SERPINA12: variants seen among roughly 807,000 people sequenced by gnomAD.
SERPINA12 encodes the protein serpin A12.
Under a neutral mutation model 25.9 loss-of-function variants are expected in SERPINA12, and 21 were observed. The ratio of observed to expected loss-of-function variants is 0.81; its 90% CI spans 0.58 to 1.17. SERPINA12 has a LOEUF of 1.17. Ranked by LOEUF, SERPINA12 falls within the 50% of genes most tolerant of loss-of-function variation. SERPINA12 has a pLI of 0.00. For missense variants in SERPINA12, 562 were observed against 508.3 expected (o/e 1.11, Z -1.02); for synonymous variants, 220 against 196.0 (o/e 1.12, Z -1.02).
upstream of SERPINA12, among the ~76,000 whole-genome samples, chr14:94,512,004 A>T (rs974081093): frequency 6.6e-6 from 1 of 152,182 alleles, no homozygotes; most frequent in Non-Finnish European, 1.5e-5. Flanking sequence ...AGGCTGAGGC[A>T]TGAGAATTGC....
At chr14:94,514,546 T>C (rs1160792289) in intron 2 of SERPINA12, among the ~76,000 whole-genome samples, 1 of 152,008 alleles carries the variant, frequency 6.6e-6, no homozygotes, top group Non-Finnish European at 1.5e-5. Context: ...GGTGGGGACC[T>C]GGGTGGGCCC....
At chr14:94,504,518 T>C (rs979986224) in intron 1 of SERPINA12, among the ~76,000 whole-genome samples, 2 of 152,272 alleles carry the variant, frequency 1.3e-5, no homozygotes, top group African/African-American at 4.8e-5. Flanking sequence ...GGTTGATAAC[T>C]GGGCTTCTTG....
At chr14:94,511,763 G>A (rs994474157), upstream of SERPINA12, 18 of 963,974 alleles carry the variant, frequency 1.9e-5, no homozygotes, top group Non-Finnish European at 2.2e-5. Flanking sequence ...CAAGCCAGGT[G>A]TGGGGGAGAG....
intron 2 of SERPINA12, 141 bp from the exon 3 acceptor site, chr14:94,496,784 G>A (rs1357685091): frequency 4.3e-6 from 3 of 695,626 alleles, no homozygotes; most frequent in Non-Finnish European, 7.2e-6. Context: ...TTGCCCTCAT[G>A]CCATGTCCTG....
chr14:94,516,431 C>T (rs1265585404), intron 1 of SERPINA12, among the ~76,000 whole-genome samples: 1 of 152,154 alleles, frequency 6.6e-6, no homozygotes, highest in Non-Finnish European at 1.5e-5. Flanking sequence ...CCTCACCTGA[C>T]CTGAGACCTG....
chr14:94,505,137 C>T (rs574860256), intron 1 of SERPINA12, among the ~76,000 whole-genome samples: 4 of 152,340 alleles, frequency 2.6e-5, no homozygotes, highest in South Asian at 4.1e-4. Flanking sequence ...CGAAACACCT[C>T]GGAGGCCTCG....
chr14:94,498,529 T>C, intron 1 of SERPINA12, 99 bp from the exon 2 acceptor site: 2 of 973,298 alleles, frequency 2.1e-6, no homozygotes. Flanking sequence ...TATTATGTGT[T>C]GTACATAGCA....
At position 94,496,508 on chromosome 14, in the gene SERPINA12, C is replaced by T; in HGVS notation, c.770G>A (p.Cys257Tyr). The stretch of plus-strand genomic sequence containing the variant: ...CTGGTAGGGTATTTCCAGGATGGTG[C>T]AAGAGAGCTTATCGTCATAGCCAAC... ...YQVGYDDKLSCTILEIPYQKN... is the reference protein window; with the variant it reads ...YQVGYDDKLSYTILEIPYQKN... Residue 257 changes from cysteine to tyrosine, a missense_variant, in exon 3 of 5, where the codon TGC becomes TAC. Coordinates refer to ENST00000677451, the MANE Select transcript of SERPINA12 (RefSeq NM_001382267.1). 1 of 1,613,778 alleles carries T rather than the reference C, an allele frequency of 6.2e-7. No homozygotes were observed. The highest frequency in any genetic ancestry group is 1.7e-5 in the Admixed American group (1 of 60,002).
rs1900948074 is a variant in SERPINA12 at position 94,506,913 on chromosome 14, G to T, written c.-34+2429C>A. The stretch of plus-strand genomic sequence containing the variant: ...CATTCAGCCACCAGGTATCAAGATG[G>T]CTGTAAAGCCACAGTATTAAGGTAT... On this transcript the variant is annotated intron_variant, in intron 1 of 4. Coordinates refer to ENST00000677451, the MANE Select transcript of SERPINA12 (RefSeq NM_001382267.1). 2.6e-5 allele frequency among the ~76,000 whole-genome samples: 4 copies of T among 152,192 alleles called. No individual in the cohort carries two copies. The South Asian group carries it at 8.3e-4, about 32-fold the overall frequency.
Position 94,487,498 on chromosome 14 carries a change from C to G in SERPINA12, c.1054-4G>C, listed in dbSNP as rs1395360104. ...TCAGCTCAGCCTTGTGCACAGCCTACGGAAGCCAAGGGCAAAGTCAAGGTC... is the reference window on the plus strand; with the variant it reads ...TCAGCTCAGCCTTGTGCACAGCCTAGGGAAGCCAAGGGCAAAGTCAAGGTC... On this transcript the variant is annotated splice_region_variant and splice_polypyrimidine_tract_variant and intron_variant, in intron 4 of 4. Coordinates refer to ENST00000677451, the MANE Select transcript of SERPINA12 (RefSeq NM_001382267.1). 1.3e-6 allele frequency: 2 copies of G among 1,598,680 alleles called. No homozygotes were observed. Among genetic ancestry groups the G allele is most frequent in the Admixed American group, 1.7e-5 (1 of 57,492 alleles).
At chr14:94,501,031 A>G (rs1243408719) in intron 1 of SERPINA12, 1 of 985,332 alleles carries the variant, frequency 1.0e-6, no homozygotes, top group African/African-American at 1.7e-5. Flanking sequence ...ACTTCTTGGT[A>G]AAACTTAATA....
chr14:94,488,629 A>G (rs1900005700), intron 4 of SERPINA12, among the ~76,000 whole-genome samples: 1 of 152,192 alleles, frequency 6.6e-6, no homozygotes, highest in Non-Finnish European at 1.5e-5. Context: ...TCATTTATCT[A>G]AAATTCAAAT....
intron 3 of SERPINA12, among the ~76,000 whole-genome samples, chr14:94,494,232 G>A (rs1283288941): frequency 6.6e-6 from 1 of 152,188 alleles, no homozygotes; most frequent in Non-Finnish European, 1.5e-5. Flanking sequence ...TCCCTAGGGA[G>A]ATCTCTCAAG....
At chr14:94,507,541 G>C (rs73338689) in intron 1 of SERPINA12, among the ~76,000 whole-genome samples, 30,807 of 152,118 alleles carry the variant, frequency 0.2, 3,748 homozygotes, top group African/African-American at 0.34. Flanking sequence ...GCAAAGACAT[G>C]AACAAATACT....
intron 3 of SERPINA12, 117 bp downstream of exon 3, chr14:94,496,256 A>G (rs892097241): frequency 2.2e-5 from 21 of 960,532 alleles, no homozygotes; most frequent in Admixed American, 4.4e-5. Context: ...TCACCATGAT[A>G]TAAGTTTATT....
chr14:94,496,325 G>C, intron 3 of SERPINA12, 48 bp downstream of exon 3: 1 of 1,602,148 alleles, frequency 6.2e-7, no homozygotes, highest in Non-Finnish European at 8.5e-7. Context: ...GAAATAAGAG[G>C]GAAGACAAGA....
chr14:94,512,101 C>CAAAA (rs77515403), upstream of SERPINA12, among the ~76,000 whole-genome samples: 4 of 151,882 alleles, frequency 2.6e-5, no homozygotes, highest in East Asian at 8.0e-4. Flanking sequence ...ATCTCAAAAA[C>CAAAA]AAAACAAAAC....
rs141546649 is a variant in SERPINA12 at position 94,498,719 on chromosome 14, T to C, written c.-33-289A>G. Reference sequence around the variant, plus strand: ...TGAGGAACAGCTCTCCTTCCCTCCATTGGACCACAGTGAGGATACCCCGTA... The same window carrying C: ...TGAGGAACAGCTCTCCTTCCCTCCACTGGACCACAGTGAGGATACCCCGTA... On this transcript the variant is annotated intron_variant, in intron 1 of 4. Transcript: ENST00000677451. Among the ~76,000 whole-genome samples, 586 of 152,276 alleles carry C rather than the reference T, an allele frequency of 3.8e-3. 2 individuals are homozygous for C. The highest frequency in any genetic ancestry group is 0.013 in the African/African-American group (554 of 41,566).
chr14:94,509,329 C>T lies in SERPINA12; in HGVS notation c.-34+13G>A, dbSNP rs188729755. Among the ~76,000 whole-genome samples, 275 of 150,880 alleles carry T rather than the reference C, an allele frequency of 1.8e-3. 3 individuals are homozygous for T. The South Asian group carries it at 0.025, about 14-fold the overall frequency. ...ACACACACACACACACACACACTGCCCCTTGGACTAACCTCACCTCCCCAG... is the reference window on the plus strand; with the variant it reads ...ACACACACACACACACACACACTGCTCCTTGGACTAACCTCACCTCCCCAG... On this transcript the variant is annotated intron_variant, in intron 1 of 4. Coordinates refer to ENST00000677451, the MANE Select transcript of SERPINA12 (RefSeq NM_001382267.1).
Sources: allele counts gnomAD v4.1 joint callset (sites outside exome capture counted in the v4.1 genomes callset), GRCh38; gene constraint gnomAD v4.1.1; transcripts MANE v1.5; gene names NCBI Gene and HGNC (gene_info 2026-07-23, HGNC 2026-07-21).